The following FHDC1 variants were observed in gnomAD, a reference collection of about 807,000 sequenced individuals.
FHDC1 encodes the protein FH2 domain containing 1.
A neutral mutation model predicts 52.6 loss-of-function variants in FHDC1; 25 were observed. The ratio of observed to expected loss-of-function variants is 0.48; its 90% CI spans 0.35 to 0.66. The LOEUF (loss-of-function observed/expected upper bound fraction) is 0.66, where lower values mean the gene tolerates loss of function less well. Ranked by LOEUF, FHDC1 falls within the 30% of genes least tolerant of loss-of-function variation. The pLI is 0.01. For synonymous variants in FHDC1, 616 were observed against 581.5 expected (o/e 1.06, Z -0.85); for missense variants, 1,459 against 1,452.8 (o/e 1.00, Z -0.07).
chr4:152,921,734 G>A, the FHDC1 span, among the ~76,000 whole-genome samples: 1 of 151,774 alleles, frequency 6.6e-6, no homozygotes, highest in African/African-American at 2.4e-5. Flanking sequence ...TTTTCCTTTG[G>A]GCTGCATTCA....
At chr4:152,960,543 C>G in intron 4 of FHDC1, 22 bp from the exon 5 acceptor site, 2 of 1,588,438 alleles carry the variant, frequency 1.3e-6, no homozygotes, top group Non-Finnish European at 1.7e-6. Context: ...TTATATACCC[C>G]CCCTTTCCAT....
chr4:152,976,242 C>T lies in FHDC1; in HGVS notation c.2951C>T (p.Pro984Leu), dbSNP rs1468334010. Residue 984 changes from proline to leucine, a missense_variant, in exon 12 of 12, where the codon CCC (proline) becomes CTC (leucine). Pro to Leu is a moderately conservative substitution (Grantham distance 98). Transcript: ENST00000511601. Reference sequence around the variant, plus strand: ...CAGCCCAGGGGTTCTTTCAAGAAGCCCAGTGCCAAACCACTCAGGAACCTC... The same window carrying T: ...CAGCCCAGGGGTTCTTTCAAGAAGCTCAGTGCCAAACCACTCAGGAACCTC... The part of the protein sequence containing the change: ...PLQPRGSFKK[P>L]SAKPLRNLPR... 7.4e-6 allele frequency: 12 copies of T among 1,613,250 alleles called. No homozygotes were observed. Among genetic ancestry groups the T allele is most frequent in the Non-Finnish European group, 1.0e-5 (12 of 1,179,934 alleles).
At position 152,943,345 on chromosome 4, in the gene FHDC1, G is replaced by A. The variant is rs773549233; in HGVS notation, c.288G>A (p.Arg96=). 1.2e-6 allele frequency: 2 copies of A among 1,613,300 alleles called. No homozygotes were observed. Among genetic ancestry groups the A allele is most frequent in the East Asian group, 4.5e-5 (2 of 44,822 alleles). The change falls in exon 2 of 12, where the codon CGG becomes CGA. Residue 96 remains arginine (R), a synonymous_variant. Coordinates refer to ENST00000511601, the MANE Select transcript of FHDC1 (RefSeq NM_001371116.1). ...ACAGCCACCTTGGTAAGAAAAAGCG[G>A]ATGAGAAGCTTTTTTTGGAAAACTA... The part of the protein sequence containing the change: ...NGYSHLGKKK[R]MRSFFWKTIP...
the FHDC1 span, among the ~76,000 whole-genome samples, chr4:152,926,721 C>G: frequency 1.3e-5 from 2 of 149,634 alleles, no homozygotes; most frequent in South Asian, 4.2e-4. Flanking sequence ...GGGAATTTAG[C>G]CAATTCAGAG....
the FHDC1 span, among the ~76,000 whole-genome samples, chr4:152,917,246 C>T: frequency 1.3e-5 from 2 of 152,138 alleles, no homozygotes; most frequent in Non-Finnish European, 2.9e-5. Context: ...TTAGCATATA[C>T]TACTATTCTG....
chr4:152,924,348 A>G, the FHDC1 span, among the ~76,000 whole-genome samples: 1 of 152,206 alleles, frequency 6.6e-6, no homozygotes, highest in Non-Finnish European at 1.5e-5. Flanking sequence ...ATCATTAAAA[A>G]GTCAGGAAAC....
chr4:152,970,528 G>A (rs893460565), intron 10 of FHDC1, among the ~76,000 whole-genome samples: 16 of 152,198 alleles, frequency 1.1e-4, no homozygotes, highest in African/African-American at 3.6e-4. Context: ...TGAAACATAC[G>A]AGGTGGAGCT....
the FHDC1 span, among the ~76,000 whole-genome samples, chr4:152,920,180 C>T: frequency 6.6e-6 from 1 of 151,988 alleles, no homozygotes; most frequent in African/African-American, 2.4e-5. Context: ...CTCCTGACCT[C>T]AGGTGATCCA....
the FHDC1 span, among the ~76,000 whole-genome samples, chr4:152,917,990 A>G: frequency 6.6e-6 from 1 of 152,214 alleles, no homozygotes; most frequent in Non-Finnish European, 1.5e-5. Context: ...GTGTGTGTCT[A>G]TAAGAGACCT....
intron 4 of FHDC1, among the ~76,000 whole-genome samples, chr4:152,957,871 A>T (rs1156767698): frequency 6.6e-6 from 1 of 151,908 alleles, no homozygotes; most frequent in East Asian, 1.9e-4. Context: ...CAGAAATGAA[A>T]CTCTGGGAGT....
At chr4:152,961,759 A>G (rs1740288486) in intron 6 of FHDC1, among the ~76,000 whole-genome samples, 1 of 152,194 alleles carries the variant, frequency 6.6e-6, no homozygotes, top group Admixed American at 6.5e-5. Flanking sequence ...TCTTTGGTCC[A>G]TCGTATTTTC....
rs1037441412 is a variant in FHDC1, at chr4:152,978,409, T to G, written c.*1686T>G. On this transcript the variant is annotated 3_prime_UTR_variant, in exon 12 of 12. Transcript: ENST00000511601. Reference sequence around the variant, plus strand: ...CGTGGACATCTCTTCCTTGGTACAGTGGTTTTTAAATACTGAGAAGAACCA... The same window carrying G: ...CGTGGACATCTCTTCCTTGGTACAGGGGTTTTTAAATACTGAGAAGAACCA... The G allele has an allele frequency of 6.6e-6, 1 of 152,174 alleles. No homozygotes were observed. The highest frequency in any genetic ancestry group is 1.5e-5 in the Non-Finnish European group (1 of 68,036). 9.4% of individuals were successfully genotyped at this position (152,174 alleles called of 1,614,324 possible).
intron 8 of FHDC1, among the ~76,000 whole-genome samples, chr4:152,963,769 G>GTTTTTTTTTTTTTTTT (rs58783965): frequency 9.7e-5 from 5 of 51,802 alleles, no homozygotes; most frequent in Middle Eastern, 0.025. Context: ...CCATTGCTTT[G>GTTTTTTTTTTTTTTTT]TTTTTTTTTT....
chr4:152,974,186 A>G (rs1368004355), intron 11 of FHDC1, among the ~76,000 whole-genome samples: 1 of 152,254 alleles, frequency 6.6e-6, no homozygotes, highest in Non-Finnish European at 1.5e-5. Flanking sequence ...GCACAGAAGT[A>G]CAATTTGAGG....
chr4:152,947,341 A>G (rs913789281), intron 2 of FHDC1, among the ~76,000 whole-genome samples: 2 of 152,258 alleles, frequency 1.3e-5, no homozygotes, highest in Non-Finnish European at 2.9e-5. Context: ...AATAATAATT[A>G]AACTGTAATA....
At chr4:152,954,468 C>G (rs766178757) in intron 4 of FHDC1, 149 bp downstream of exon 4, 1 of 593,160 alleles carries the variant, frequency 1.7e-6, no homozygotes, top group Non-Finnish European at 2.9e-6. Context: ...AGATGAATCA[C>G]CTGAGGTCAG....
chr4:152,975,153 A>G lies in FHDC1; in HGVS notation c.1862A>G (p.Gln621Arg). 1 of 1,613,058 alleles carries G rather than the reference A, an allele frequency of 6.2e-7. No individual in the cohort carries two copies. The highest frequency in any genetic ancestry group is 2.2e-5 in the East Asian group (1 of 44,880). ...APNPPSAQAH[Q>R]LAAAQPENHA... ...AACCCACCCTCAGCACAGGCGCACC[A>G]GCTTGCAGCCGCCCAGCCTGAGAAC... Residue 621 changes from glutamine to arginine, a missense_variant, in exon 12 of 12, where the codon CAG becomes CGG. Physicochemically the swap from Gln to Arg is conservative, Grantham distance 43. Transcript: ENST00000511601.
intron 1 of FHDC1, among the ~76,000 whole-genome samples, chr4:152,937,973 A>C (rs1232989290): frequency 2.6e-5 from 4 of 152,114 alleles, no homozygotes; most frequent in Non-Finnish European, 4.4e-5. Context: ...CTGGTGAACT[A>C]CTACGTATCC....
Position 152,960,560 on chromosome 4 carries a change from T to C in FHDC1, c.664-5T>C, listed in dbSNP as rs202120483. ...ATATACCCCCCCTTTCCATTTGTCT[T>C]TTAGGTAAAGAAGTTAAAAGCGTTT... is the stretch of plus-strand genomic sequence containing the variant. On this transcript the variant is annotated splice_region_variant and splice_polypyrimidine_tract_variant and intron_variant, in intron 4 of 11. Coordinates refer to ENST00000511601, the MANE Select transcript of FHDC1 (RefSeq NM_001371116.1). 62 of 1,613,148 alleles carry C rather than the reference T, an allele frequency of 3.8e-5. No homozygotes were observed. The African/African-American group carries it at 7.2e-4, about 19-fold the overall frequency.
Sources: allele counts gnomAD v4.1 joint callset (sites outside exome capture counted in the v4.1 genomes callset), GRCh38; gene constraint gnomAD v4.1.1; transcripts MANE v1.5; gene names NCBI Gene and HGNC (gene_info 2026-07-23, HGNC 2026-07-21).